Variants in USP3 observed in about 807,000 individuals in gnomAD.
USP3 encodes the protein ubiquitin specific peptidase 3, also known as ubiquitin carboxyl-terminal hydrolase 3.
Under a neutral mutation model 72.3 loss-of-function variants are expected in USP3, and 20 were observed. That is an observed-to-expected ratio of 0.28 (90% CI 0.19 to 0.40). The LOEUF is 0.40. Among genes scored for constraint, USP3 ranks in the 10% least tolerant of loss-of-function variants. The pLI is 1.00. For synonymous variants in USP3, 222 were observed against 225.3 expected (o/e 0.99, Z 0.13); for missense variants, 479 against 633.9 (o/e 0.76, Z 2.62).
intron 1 of USP3, among the ~76,000 whole-genome samples, chr15:63,525,160 G>T (rs2065964365): frequency 6.6e-6 from 1 of 152,176 alleles, no homozygotes; most frequent in Non-Finnish European, 1.5e-5. Flanking sequence ...AAGTGGAAAG[G>T]CAACCAAGAT....
At chr15:63,578,750 C>T (rs369434206) in intron 11 of USP3, among the ~76,000 whole-genome samples, 3 of 151,974 alleles carry the variant, frequency 2.0e-5, no homozygotes, top group Non-Finnish European at 4.4e-5. Flanking sequence ...AGCCAGGAGG[C>T]CTACTGAAAT....
At chr15:63,533,266 G>A (rs2066105219) in intron 2 of USP3, among the ~76,000 whole-genome samples, 1 of 152,040 alleles carries the variant, frequency 6.6e-6, no homozygotes, top group Admixed American at 6.6e-5. Flanking sequence ...TGATCTCATT[G>A]TGGAGTTCAT....
At chr15:63,539,576 T>C (rs553098923) in intron 3 of USP3, among the ~76,000 whole-genome samples, 1 of 152,334 alleles carries the variant, frequency 6.6e-6, no homozygotes, top group Admixed American at 6.5e-5. Flanking sequence ...GGAATTGAAT[T>C]GGTTTTATTT....
intron 3 of USP3, among the ~76,000 whole-genome samples, chr15:63,547,886 G>C (rs367969435): frequency 1.8e-5 from 1 of 55,850 alleles, no homozygotes; most frequent in African/African-American, 7.5e-5. Context: ...GAGAGAGAGA[G>C]AGAGAGAGAG....
intron 3 of USP3, among the ~76,000 whole-genome samples, 197 bp downstream of exon 3, chr15:63,537,353 C>A (rs939409205): frequency 5.3e-5 from 8 of 152,166 alleles, no homozygotes; most frequent in African/African-American, 1.9e-4. Flanking sequence ...TTCCTTTCAA[C>A]TTCTAGGCCT....
At chr15:63,535,361 A>G (rs1490867141) in intron 2 of USP3, among the ~76,000 whole-genome samples, 1 of 152,260 alleles carries the variant, frequency 6.6e-6, no homozygotes, top group Non-Finnish European at 1.5e-5. Context: ...CACAGAAAGA[A>G]GAATGCTAAT....
At chr15:63,517,220 AT>A (rs1251355217) in intron 1 of USP3, among the ~76,000 whole-genome samples, 1 of 151,278 alleles carries the variant, frequency 6.6e-6, no homozygotes, top group Admixed American at 6.6e-5. Flanking sequence ...TTTCCTTGAT[AT>A]TTTTTCTTCC....
intron 7 of USP3, among the ~76,000 whole-genome samples, chr15:63,562,058 C>G (rs1291042411): frequency 6.6e-6 from 1 of 152,306 alleles, no homozygotes; most frequent in Admixed American, 6.5e-5. Flanking sequence ...TCTTTTCCAC[C>G]AACCTCCAGA....
chr15:63,570,313 CCT>C lies in USP3; in HGVS notation c.762-119_762-118del, dbSNP rs1346678273. On this transcript the variant is annotated intron_variant, in intron 8 of 14. Transcript: ENST00000380324. The surrounding 1 kb of genome is among the most constrained non-coding windows in gnomAD (Gnocchi z 4.4). ...GCTTTCGGGCATGAAGGTGAGGAAG[CCT>C]GGCTGTGCTTGTGAGCACGGGGCTG... is the stretch of plus-strand genomic sequence containing the variant. 39 of 1,289,704 alleles carry C rather than the reference CCT, an allele frequency of 3.0e-5. No homozygotes were observed. Among genetic ancestry groups the C allele is most frequent in the Non-Finnish European group, 4.0e-5 (38 of 939,008 alleles). The allele number at this position is 1,289,704 out of a possible 1,614,324, so 79.9% of individuals were successfully genotyped here. A position where few individuals can be genotyped will look rare whatever the true frequency, so the allele number is the denominator to read the frequency against.
chr15:63,543,277 T>C (rs1382796431), intron 3 of USP3, among the ~76,000 whole-genome samples: 1 of 152,104 alleles, frequency 6.6e-6, no homozygotes, highest in African/African-American at 2.4e-5. Context: ...ATGATGGTCC[T>C]CAAACATATT....
chr15:63,513,302 T>C (rs1484425225), intron 1 of USP3, among the ~76,000 whole-genome samples: 1 of 152,254 alleles, frequency 6.6e-6, no homozygotes, highest in Non-Finnish European at 1.5e-5. Context: ...ATTTAACTGA[T>C]TATAAGAAAG....
chr15:63,524,444 C>A (rs2065954450), intron 1 of USP3, among the ~76,000 whole-genome samples: 2 of 152,214 alleles, frequency 1.3e-5, no homozygotes, highest in Non-Finnish European at 2.9e-5. Flanking sequence ...GCATGACAAA[C>A]AGCCATACAT....
In USP3 at chr15:63,593,065, T is replaced by A. The variant is rs1307014034; in HGVS notation, c.*2239T>A. ...AAGTGCTCAGCACCCACATACGGCG[T>A]AGGACAATGCTGGTCTAAATTTTCA... is the stretch of plus-strand genomic sequence containing the variant. On this transcript the variant is annotated 3_prime_UTR_variant, in exon 15 of 15. Transcript: ENST00000380324. 1 of 152,232 alleles carries A rather than the reference T, an allele frequency of 6.6e-6. No homozygotes were observed. The highest frequency in any genetic ancestry group is 2.4e-5 in the African/African-American group (1 of 41,452). The allele number at this position is 152,232 out of a possible 1,614,324, so 9.4% of individuals were successfully genotyped here. A position where few individuals can be genotyped will look rare whatever the true frequency, so the allele number is the denominator to read the frequency against.
In USP3 at chr15:63,504,637, G is replaced by A. The variant is rs559830555; in HGVS notation, c.-103G>A. On this transcript the variant is annotated 5_prime_UTR_variant, in exon 1 of 15. Coordinates refer to ENST00000380324, the MANE Select transcript of USP3 (RefSeq NM_006537.4). Reference sequence around the variant, plus strand: ...TCGAGACGCAGCCGCCGTCGGCCGAGCGCCCGGCTAGAAGCGACACCAGAC... The same window carrying A: ...TCGAGACGCAGCCGCCGTCGGCCGAACGCCCGGCTAGAAGCGACACCAGAC... The A allele has an allele frequency of 3.3e-5, 34 of 1,023,274 alleles. No individual in the cohort carries two copies. The African/African-American group carries it at 4.9e-4, about 15-fold the overall frequency. The allele number at this position is 1,023,274 out of a possible 1,614,324, so 63.4% of individuals were successfully genotyped here.
intron 3 of USP3, among the ~76,000 whole-genome samples, chr15:63,545,970 C>CAA (rs60122671): frequency 0.54 from 36,393 of 67,726 alleles, 12,185 homozygotes; most frequent in Non-Finnish European, 0.64. Context: ...GACCTTGTCT[C>CAA]AAAAAAAAAA....
At chr15:63,552,693 T>G in intron 3 of USP3, among the ~76,000 whole-genome samples, 1 of 152,310 alleles carries the variant, frequency 6.6e-6, no homozygotes, top group Admixed American at 6.5e-5. Flanking sequence ...TGCTTTTTTG[T>G]GTAATCTTCT....
rs896740614 is a variant in USP3 at position 63,574,980 on chromosome 15, A to G, written c.1096+577A>G. On this transcript the variant is annotated intron_variant, in intron 11 of 14. Transcript: ENST00000380324. The surrounding 1 kb of genome is among the most constrained non-coding windows in gnomAD (Gnocchi z 4.6). ...ACCATAAGTGTACAGACAGGTCACA[A>G]TTAAAATGACTAATTGTTCTTGCTA... 1.3e-5 allele frequency among the ~76,000 whole-genome samples: 2 copies of G among 152,210 alleles called. No homozygotes were observed. The highest frequency in any genetic ancestry group is 3.8e-4 in the East Asian group (2 of 5,202).
At chr15:63,561,562 C>T (rs1490788068) in intron 7 of USP3, among the ~76,000 whole-genome samples, 1 of 152,072 alleles carries the variant, frequency 6.6e-6, no homozygotes, top group South Asian at 2.1e-4. Flanking sequence ...GTGCTCTTTG[C>T]CCCCCCTGCT....
At chr15:63,530,324 A>G (rs1301545190) in intron 1 of USP3, among the ~76,000 whole-genome samples, 1 of 92,646 alleles carries the variant, frequency 1.1e-5, no homozygotes, top group African/African-American at 4.2e-5. Context: ...CCTTACATCC[A>G]TCTTTTTTTT....
Sources: gnomAD v4.1 joint callset for allele counts (sites outside exome capture counted in the v4.1 genomes callset) on GRCh38, gnomAD v4.1.1 for gene constraint, Gnocchi (gnomAD v3.1) non-coding constraint, MANE v1.5 for transcripts, NCBI Gene and HGNC (gene_info 2026-07-23, HGNC 2026-07-21) for gene names.